RPS6KC1: variants seen among roughly 807,000 people sequenced by gnomAD.
The protein encoded by RPS6KC1 is inactive ribosomal protein S6 kinase delta-1.
RPS6KC1 carries 54 observed loss-of-function variants against 103.8 expected under a neutral mutation model. The ratio of observed to expected loss-of-function variants is 0.52; its 90% confidence interval spans 0.42 to 0.65. RPS6KC1 has a LOEUF of 0.65. Among genes scored for constraint, RPS6KC1 ranks in the 30% least tolerant of loss-of-function variants. The probability of loss-of-function intolerance (pLI) is 0.00; values close to 1 mark genes in which losing one functional copy is unlikely to be tolerated. For synonymous variants in RPS6KC1, 439 were observed against 438.7 expected, an observed-to-expected ratio of 1.00 and a Z score of -0.01; for missense variants, 1,151 against 1,253.8, an observed-to-expected ratio of 0.92 and a Z score of 1.24.
the RPS6KC1 span, among the ~76,000 whole-genome samples, chr1:213,592,114 G>C: frequency 1.2e-4 from 18 of 152,188 alleles, no homozygotes; most frequent in Non-Finnish European, 2.1e-4. Context: ...CCCATGGTAT[G>C]AAATAATCAA....
At chr1:213,069,386 TTTAAA>T (rs2078660952) in intron 1 of RPS6KC1, among the ~76,000 whole-genome samples, 1 of 152,208 alleles carries the variant, frequency 6.6e-6, no homozygotes, top group Admixed American at 6.5e-5. Context: ...ACAGGAAACT[TTTAAA>T]TTATAGAGTT....
chr1:213,262,960 A>G (rs1412155135), intron 14 of RPS6KC1, 144 bp downstream of exon 14: 3 of 627,728 alleles, frequency 4.8e-6, no homozygotes, highest in African/African-American at 1.8e-5. Flanking sequence ...TTAATACTGT[A>G]TATTTTCAGG....
chr1:213,691,244 A>G, the RPS6KC1 span, among the ~76,000 whole-genome samples: 1 of 152,130 alleles, frequency 6.6e-6, no homozygotes, highest in Non-Finnish European at 1.5e-5. Flanking sequence ...GAAAATCCCC[A>G]ATCAGGACAG....
At chr1:213,129,229 C>G (rs1296826245) in intron 5 of RPS6KC1, among the ~76,000 whole-genome samples, 2 of 152,194 alleles carry the variant, frequency 1.3e-5, no homozygotes, top group African/African-American at 4.8e-5. Context: ...CAACAGCTTT[C>G]TGTAAATAGC....
intron 6 of RPS6KC1, among the ~76,000 whole-genome samples, chr1:213,151,145 A>G (rs2088763876): frequency 7.3e-6 from 1 of 136,270 alleles, no homozygotes. Flanking sequence ...TCCCTCCCGG[A>G]TGGGGCGGCT....
chr1:213,422,845 C>T, the RPS6KC1 span, among the ~76,000 whole-genome samples: 1 of 152,170 alleles, frequency 6.6e-6, no homozygotes, highest in Admixed American at 6.5e-5. Context: ...CCTAATGCTT[C>T]CCTCAAAAAA....
the RPS6KC1 span, among the ~76,000 whole-genome samples, chr1:213,775,761 A>G: frequency 6.6e-6 from 1 of 152,192 alleles, no homozygotes; most frequent in Non-Finnish European, 1.5e-5. Flanking sequence ...CTTTCATGAA[A>G]GGTCTCTGTA....
At chr1:213,150,293 ATGT>A (rs2088520901) in intron 6 of RPS6KC1, among the ~76,000 whole-genome samples, 3 of 120,076 alleles carry the variant, frequency 2.5e-5, no homozygotes, top group African/African-American at 9.8e-5. Flanking sequence ...TGTACATTAT[ATGT>A]TATTTATTTA....
chr1:213,178,273 C>T (rs2092023244), intron 8 of RPS6KC1, among the ~76,000 whole-genome samples: 1 of 150,928 alleles, frequency 6.6e-6, no homozygotes, highest in South Asian at 2.1e-4. Flanking sequence ...GGTGTGGTGG[C>T]TCATGCCTGT....
intron 8 of RPS6KC1, among the ~76,000 whole-genome samples, chr1:213,212,783 G>GGTAT (rs746874673): frequency 2.6e-5 from 4 of 152,156 alleles, no homozygotes; most frequent in Non-Finnish European, 2.9e-5. Flanking sequence ...AATTCTAGTA[G>GGTAT]GTATGTAGTG....
chr1:213,679,029 G>A, the RPS6KC1 span, among the ~76,000 whole-genome samples: 150,888 of 152,320 alleles, frequency 0.99, 74,742 homozygotes, highest in Middle Eastern at 1. Flanking sequence ...GGGTCTCAGT[G>A]GCCTGAGGTC....
intron 8 of RPS6KC1, among the ~76,000 whole-genome samples, chr1:213,197,476 G>A (rs1286543313): frequency 6.6e-6 from 1 of 152,040 alleles, no homozygotes; most frequent in Non-Finnish European, 1.5e-5. Context: ...GTGTTTTGTA[G>A]TTTTCCTTGT....
chr1:213,343,043 AT>A, the RPS6KC1 span, among the ~76,000 whole-genome samples: 2 of 152,154 alleles, frequency 1.3e-5, no homozygotes, highest in African/African-American at 4.8e-5. Flanking sequence ...CTCAAAAAAA[AT>A]TTTTTTGTAG....
At chr1:213,183,646 A>G (rs564650264) in intron 8 of RPS6KC1, among the ~76,000 whole-genome samples, 1 of 152,290 alleles carries the variant, frequency 6.6e-6, no homozygotes, top group South Asian at 2.1e-4. Flanking sequence ...GGACACAGCT[A>G]AGCCAGTGTT....
At position 213,242,127 on chromosome 1, in the gene RPS6KC1, A is replaced by G. The variant is rs1332504906; in HGVS notation, c.2651A>G (p.Gln884Arg). 4.3e-6 allele frequency: 7 copies of G among 1,613,802 alleles called. No homozygotes were observed. The highest frequency in any genetic ancestry group is 5.9e-6 in the Non-Finnish European group (7 of 1,179,780). Residue 884 changes from glutamine to arginine, a missense_variant, in exon 11 of 15, where the codon CAG (glutamine) becomes CGG (arginine). Gln to Arg is a conservative substitution (Grantham distance 43). Transcript: ENST00000366960. ...CTAGAAGGAGACAAGGAAATACATC[A>G]GATTTTTGAGGACCTTGATAAAAAA... Reference protein sequence around the residue: ...LVLEGDKEIHQIFEDLDKKLA... With the variant: ...LVLEGDKEIHRIFEDLDKKLA...
intron 14 of RPS6KC1, among the ~76,000 whole-genome samples, chr1:213,268,554 A>T (rs1421840235): frequency 1.4e-5 from 2 of 148,004 alleles, no homozygotes; most frequent in African/African-American, 4.9e-5. Context: ...ATTTATATAT[A>T]ATTTATTTAT....
intron 5 of RPS6KC1, among the ~76,000 whole-genome samples, chr1:213,120,524 A>G (rs1478390380): frequency 1.3e-5 from 2 of 152,086 alleles, no homozygotes; most frequent in African/African-American, 4.8e-5. Flanking sequence ...TCTAGTAGCA[A>G]AAGAGCAGGA....
At chr1:213,431,409 G>A in the RPS6KC1 span, among the ~76,000 whole-genome samples, 2 of 151,966 alleles carry the variant, frequency 1.3e-5, no homozygotes, top group Non-Finnish European at 2.9e-5. Context: ...GGCACATCAA[G>A]AGGCAGAAAC....
At chr1:213,536,466 G>C in the RPS6KC1 span, among the ~76,000 whole-genome samples, 1 of 152,224 alleles carries the variant, frequency 6.6e-6, no homozygotes, top group African/African-American at 2.4e-5. Flanking sequence ...TAAACTGCAT[G>C]AGGACAGAGG....
Sources: gnomAD v4.1 joint callset for allele counts (sites outside exome capture counted in the v4.1 genomes callset) on GRCh38, gnomAD v4.1.1 for gene constraint, MANE v1.5 for transcripts, NCBI Gene and HGNC (gene_info 2026-07-23, HGNC 2026-07-21) for gene names.